The following CRACD variants were observed in gnomAD, a reference collection of about 807,000 sequenced individuals.
CRACD encodes the protein capping protein inhibiting regulator of actin dynamics, also known as capping protein-inhibiting regulator of actin dynamics.
CRACD carries 56 observed loss-of-function variants against 106.8 expected under a neutral mutation model. The observed-to-expected ratio is 0.52, with a 90% confidence interval of 0.42 to 0.66. The LOEUF (loss-of-function observed/expected upper bound fraction) is 0.66. CRACD is among the 30% of genes least tolerant of loss of function. CRACD has a pLI of 0.00. For synonymous variants in CRACD, 754 were observed against 670.8 expected (o/e 1.12, Z -1.92); for missense variants, 1,730 against 1,623.2 (o/e 1.07, Z -1.13).
intron 6 of CRACD, among the ~76,000 whole-genome samples, chr4:56,311,992 G>A (rs1364407096): frequency 1.3e-5 from 2 of 151,766 alleles, no homozygotes; most frequent in Non-Finnish European, 2.9e-5. Context: ...TTTTTTTTTA[G>A]TGATTGCATC....
chr4:56,177,662 G>A (rs1281984910), intron 1 of CRACD, among the ~76,000 whole-genome samples: 2 of 152,168 alleles, frequency 1.3e-5, no homozygotes, highest in South Asian at 4.1e-4. Flanking sequence ...TTTCCCTAAT[G>A]AGAGACTTTT....
intron 2 of CRACD, among the ~76,000 whole-genome samples, chr4:56,244,250 A>G (rs1458627364): frequency 2.6e-5 from 4 of 152,076 alleles, no homozygotes; most frequent in Non-Finnish European, 4.4e-5. Context: ...TATGCTGGCA[A>G]TGATGTTATG....
At chr4:56,095,135 T>C (rs1733556612) in intron 1 of CRACD, among the ~76,000 whole-genome samples, 1 of 152,186 alleles carries the variant, frequency 6.6e-6, no homozygotes, top group South Asian at 2.1e-4. Flanking sequence ...GAGGATCACC[T>C]GAGTCCAGGA....
intron 4 of CRACD, among the ~76,000 whole-genome samples, chr4:56,305,683 G>A (rs931077630): frequency 1.3e-5 from 2 of 152,204 alleles, no homozygotes; most frequent in African/African-American, 4.8e-5. Context: ...TGTGAGGCTG[G>A]GAGAGCCAGG....
intron 1 of CRACD, among the ~76,000 whole-genome samples, chr4:56,087,068 G>A (rs995645584): frequency 1.3e-5 from 2 of 151,996 alleles, no homozygotes; most frequent in South Asian, 2.1e-4. Context: ...CTGGAGTGTG[G>A]TGGTGTGATC....
chr4:56,188,622 CCT>C (rs140815351), intron 2 of CRACD, among the ~76,000 whole-genome samples: 1,235 of 121,506 alleles, frequency 0.01, 21 homozygotes, highest in Admixed American at 0.034. Context: ...ATCTGTCTAG[CCT>C]CTCTCTCTCT....
At position 56,298,242 on chromosome 4, in the gene CRACD, G is replaced by A; in HGVS notation, c.13G>A (p.Ala5Thr). 6.2e-7 allele frequency: 1 copy of A among 1,614,050 alleles called. No homozygotes were observed. The highest frequency in any genetic ancestry group is 8.5e-7 in the Non-Finnish European group (1 of 1,179,952). The part of the protein sequence containing the change: MGTR[A>T]FSHDSIFIPD... The stretch of plus-strand genomic sequence containing the variant: ...CTTCAACTATTCTATGGGAACCCGG[G>A]CATTTTCCCATGACAGTATTTTTAT... Residue 5 changes from alanine (A) to threonine (T), a missense_variant, in exon 4 of 11, where the codon GCA becomes ACA. Ala to Thr is a moderately conservative substitution (Grantham distance 58). Around this residue, in one of 5 missense-constraint regions of CRACD, gnomAD observed 1,620 missense variants for 1,481.6 expected, o/e 1.09. Coordinates refer to ENST00000682029, the MANE Select transcript of CRACD (RefSeq NM_001393381.1).
At chr4:56,287,342 G>T (rs1473943722) in intron 3 of CRACD, among the ~76,000 whole-genome samples, 1 of 151,908 alleles carries the variant, frequency 6.6e-6, no homozygotes. Context: ...GAGTGCAGTG[G>T]CATGATTTTG....
At chr4:56,155,968 A>T (rs1382459481) in intron 1 of CRACD, among the ~76,000 whole-genome samples, 4 of 151,950 alleles carry the variant, frequency 2.6e-5, no homozygotes, top group African/African-American at 7.3e-5. Context: ...TCAAATATTT[A>T]TTGAGTTTTT....
At chr4:56,189,996 A>T (rs199637144) in intron 2 of CRACD, among the ~76,000 whole-genome samples, 2 of 100,088 alleles carry the variant, frequency 2.0e-5, no homozygotes, top group African/African-American at 3.9e-5. Flanking sequence ...CAGTCCCCAG[A>T]GTGTGATGTT....
rs555695354 is a variant in CRACD, at chr4:56,315,154, C to T, written c.1652C>T (p.Pro551Leu). The change falls in exon 8 of 11, where the codon CCC (proline) becomes CTC (leucine). Residue 551 changes from proline (P) to leucine (L), a missense_variant. Transcript: ENST00000682029. This position sits in a 1 kb window ranked among gnomAD's most constrained non-coding sequence, Gnocchi z 4.1. Reference protein sequence around the residue: ...VSSGGKQILFPKVNLSPVTPA... With the variant: ...VSSGGKQILFLKVNLSPVTPA... Reference sequence around the variant, plus strand: ...TCCGGAGGGAAGCAGATTCTCTTTCCCAAAGTCAACCTGAGCCCCGTGACG... The same window carrying T: ...TCCGGAGGGAAGCAGATTCTCTTTCTCAAAGTCAACCTGAGCCCCGTGACG... 3.1e-6 allele frequency: 5 copies of T among 1,605,330 alleles called. No individual in the cohort carries two copies. In the Admixed American group the frequency reaches 8.6e-5, roughly 28 times the overall value.
At chr4:56,261,807 G>C (rs1741725154) in intron 2 of CRACD, among the ~76,000 whole-genome samples, 2 of 152,230 alleles carry the variant, frequency 1.3e-5, no homozygotes, top group Non-Finnish European at 2.9e-5. Flanking sequence ...CAGCCAAAGA[G>C]TTGTGATTTT....
chr4:56,269,728 G>C (rs538474187), intron 2 of CRACD, among the ~76,000 whole-genome samples: 1 of 151,984 alleles, frequency 6.6e-6, no homozygotes, highest in African/African-American at 2.4e-5. Flanking sequence ...ACCACACCTG[G>C]CTAATTTTGT....
intron 2 of CRACD, among the ~76,000 whole-genome samples, chr4:56,264,358 AAG>A (rs1251933424): frequency 6.6e-6 from 1 of 152,208 alleles, no homozygotes; most frequent in Non-Finnish European, 1.5e-5. Flanking sequence ...CCTTAAAAAA[AAG>A]AGAGAGAGAA....
chr4:56,295,766 T>G (rs1743984668), intron 3 of CRACD, among the ~76,000 whole-genome samples: 2 of 148,542 alleles, frequency 1.3e-5, no homozygotes, highest in Admixed American at 6.8e-5. Context: ...TTCTCTCAAC[T>G]GAGTCATAAC....
intron 1 of CRACD, among the ~76,000 whole-genome samples, chr4:56,130,667 C>T (rs1734795081): frequency 6.6e-6 from 1 of 152,120 alleles, no homozygotes; most frequent in Non-Finnish European, 1.5e-5. Context: ...ATTTGATTTG[C>T]TCATCTACTA....
In CRACD at chr4:56,323,408, A is replaced by G. The variant is rs1440142708; in HGVS notation, c.3219A>G (p.Leu1073=). ...EKPMLQSRHS[L]DGSKLTEKVE... is the part of the protein sequence containing the mutation. ...CGATGCTTCAGAGCAGACACTCCTTAGATGGCTCCAAACTTACAGAGAAAG... is the reference window on the plus strand; with the variant it reads ...CGATGCTTCAGAGCAGACACTCCTTGGATGGCTCCAAACTTACAGAGAAAG... The change falls in exon 9 of 11, where the codon TTA becomes TTG. Residue 1073 remains leucine (L), a synonymous_variant. Transcript: ENST00000682029. The G allele has an allele frequency of 1.9e-6, 3 of 1,610,906 alleles. No individual in the cohort carries two copies. Among genetic ancestry groups the G allele is most frequent in the Non-Finnish European group, 2.5e-6 (3 of 1,179,330 alleles).
chr4:56,249,166 G>A (rs1462905041), intron 2 of CRACD, among the ~76,000 whole-genome samples: 1 of 150,088 alleles, frequency 6.7e-6, no homozygotes, highest in Non-Finnish European at 1.5e-5. Flanking sequence ...TTCCACAACG[G>A]TTGAACTAGT....
intron 2 of CRACD, among the ~76,000 whole-genome samples, chr4:56,216,982 G>A (rs1169949249): frequency 4.6e-5 from 5 of 109,144 alleles, no homozygotes; most frequent in South Asian, 7.2e-4. Flanking sequence ...GCGAGACTCC[G>A]TCTCAAAAAA....
Sources: allele counts gnomAD v4.1 joint callset (sites outside exome capture counted in the v4.1 genomes callset), GRCh38; gene constraint gnomAD v4.1.1; regional missense constraint gnomAD v4.1.1; non-coding constraint Gnocchi (gnomAD v3.1); transcripts MANE v1.5; gene names NCBI Gene and HGNC (gene_info 2026-07-23, HGNC 2026-07-21).